The following KLF12 variants were observed in gnomAD, a reference collection of about 807,000 sequenced individuals.
The protein encoded by KLF12 is KLF transcription factor 12.
A neutral mutation model predicts 37.8 loss-of-function variants in KLF12; 9 were observed. The ratio of observed to expected loss-of-function variants is 0.24; its 90% CI spans 0.14 to 0.42. The LOEUF is 0.42. KLF12 is among the 10% of genes least tolerant of loss of function. KLF12 has a pLI of 1.00. For synonymous variants in KLF12, 208 were observed against 202.1 expected (o/e 1.03, Z -0.25); for missense variants, 411 against 516.0 (o/e 0.80, Z 1.97).
chr13:74,046,572 C>T (rs1202953808), intron 1 of KLF12, among the ~76,000 whole-genome samples: 3 of 152,086 alleles, frequency 2.0e-5, no homozygotes, highest in Non-Finnish European at 4.4e-5. Flanking sequence ...AAAGACTGAA[C>T]AACTATGTCA....
chr13:73,964,497 C>T (rs187752124), intron 2 of KLF12, among the ~76,000 whole-genome samples: 4 of 151,744 alleles, frequency 2.6e-5, no homozygotes, highest in Admixed American at 6.6e-5. Context: ...CAGCCGAGCA[C>T]GGTGGCTCAT....
intron 4 of KLF12, among the ~76,000 whole-genome samples, chr13:73,832,459 G>A (rs891584607): frequency 2.6e-5 from 4 of 152,158 alleles, no homozygotes; most frequent in Admixed American, 2.0e-4. Context: ...CAGCATTCAC[G>A]TCTGACAAAG....
chr13:73,820,818 G>C (rs994264384), intron 4 of KLF12, among the ~76,000 whole-genome samples: 6 of 152,148 alleles, frequency 3.9e-5, no homozygotes, highest in Non-Finnish European at 8.8e-5. Flanking sequence ...AATGCTGTTG[G>C]ACCTCTCTAC....
At chr13:73,886,181 T>C (rs1232367853) in intron 3 of KLF12, among the ~76,000 whole-genome samples, 1 of 152,156 alleles carries the variant, frequency 6.6e-6, no homozygotes, top group Non-Finnish European at 1.5e-5. Flanking sequence ...AATTCTAGCC[T>C]TCACATGCCA....
chr13:74,000,374 A>T (rs536208586), intron 1 of KLF12, among the ~76,000 whole-genome samples: 1 of 152,266 alleles, frequency 6.6e-6, no homozygotes, highest in South Asian at 2.1e-4. Context: ...CCATTAAGAA[A>T]ATTCAAAGAT....
intron 2 of KLF12, among the ~76,000 whole-genome samples, chr13:73,951,092 C>A (rs1890630605): frequency 6.6e-6 from 1 of 152,230 alleles, no homozygotes; most frequent in Non-Finnish European, 1.5e-5. Flanking sequence ...ATTTGCAATA[C>A]AACCACAATA....
chr13:73,864,277 G>A (rs948918689), intron 3 of KLF12, among the ~76,000 whole-genome samples: 2 of 151,962 alleles, frequency 1.3e-5, no homozygotes, highest in African/African-American at 4.8e-5. Flanking sequence ...TTTTATACTT[G>A]GTTTCAATTA....
At chr13:74,284,836 C>T in the KLF12 span, among the ~76,000 whole-genome samples, 1 of 152,204 alleles carries the variant, frequency 6.6e-6, no homozygotes, top group Non-Finnish European at 1.5e-5. Context: ...AGTATATTTA[C>T]ACTACGGTAT....
intron 1 of KLF12, among the ~76,000 whole-genome samples, chr13:74,080,286 T>G (rs958191377): frequency 2.5e-4 from 17 of 66,922 alleles, no homozygotes; most frequent in African/African-American, 7.6e-4. Context: ...AAAAAAGTTG[T>G]TTTTTTTTTA....
chr13:73,733,991 G>A (rs1236592699), intron 6 of KLF12, among the ~76,000 whole-genome samples: 3 of 152,164 alleles, frequency 2.0e-5, no homozygotes, highest in African/African-American at 7.2e-5. Flanking sequence ...GGAACCCTGA[G>A]ATCTCTTCAT....
At chr13:74,145,165 T>G in the KLF12 span, among the ~76,000 whole-genome samples, 3 of 152,186 alleles carry the variant, frequency 2.0e-5, no homozygotes, top group African/African-American at 7.2e-5. Flanking sequence ...ACATAAAGAT[T>G]ATAATGAAGG....
At chr13:73,766,866 AG>A in intron 5 of KLF12, among the ~76,000 whole-genome samples, 1 of 152,186 alleles carries the variant, frequency 6.6e-6, no homozygotes, top group East Asian at 1.9e-4. Flanking sequence ...AACATTGTCT[AG>A]GTATTTGTAT....
chr13:73,931,175 A>C (rs572495110), intron 3 of KLF12, among the ~76,000 whole-genome samples: 38 of 152,276 alleles, frequency 2.5e-4, no homozygotes, highest in African/African-American at 8.9e-4. Flanking sequence ...TAATTTTCAA[A>C]TCTGAAATAT....
chr13:74,159,694 A>T, the KLF12 span, among the ~76,000 whole-genome samples: 50 of 151,538 alleles, frequency 3.3e-4, no homozygotes, highest in African/African-American at 2.4e-5. Flanking sequence ...CTGCTCTAAA[A>T]TTTTTTTTTC....
chr13:74,181,713 A>AC, the KLF12 span, among the ~76,000 whole-genome samples: 1 of 85,318 alleles, frequency 1.2e-5, no homozygotes, highest in African/African-American at 1.3e-4. Context: ...AAAAAAAAAC[A>AC]AAAAAAAAAA....
chr13:74,172,437 A>T, the KLF12 span, among the ~76,000 whole-genome samples: 1 of 152,214 alleles, frequency 6.6e-6, no homozygotes, highest in South Asian at 2.1e-4. Context: ...GAGTGGCTCC[A>T]ATGCCAATTG....
intron 6 of KLF12, among the ~76,000 whole-genome samples, chr13:73,716,773 T>C (rs1158220123): frequency 6.6e-6 from 1 of 152,240 alleles, no homozygotes; most frequent in East Asian, 1.9e-4. Context: ...ATTTAACATT[T>C]GAGATTCATC....
At chr13:73,730,813 G>C (rs1877003963) in intron 6 of KLF12, among the ~76,000 whole-genome samples, 1 of 152,098 alleles carries the variant, frequency 6.6e-6, no homozygotes, top group African/African-American at 2.4e-5. Context: ...CTAATGGGTG[G>C]GTGGGCAGAA....
At chr13:73,857,438 A>G (rs983814333) in intron 3 of KLF12, among the ~76,000 whole-genome samples, 4 of 152,220 alleles carry the variant, frequency 2.6e-5, no homozygotes, top group Non-Finnish European at 5.9e-5. Context: ...GAAACTTCAT[A>G]TGTTAAAATT....
Sources: allele counts gnomAD v4.1 joint callset (sites outside exome capture counted in the v4.1 genomes callset), GRCh38; gene constraint gnomAD v4.1.1; transcripts MANE v1.5; gene names NCBI Gene and HGNC (gene_info 2026-07-23, HGNC 2026-07-21).